DISC1: variants seen among roughly 807,000 people sequenced by gnomAD.
DISC1 encodes the protein disrupted in schizophrenia 1 protein.
DISC1 carries 57 observed loss-of-function variants against 84.5 expected under a neutral mutation model. That is an observed-to-expected ratio of 0.67 (90% CI 0.55 to 0.84). DISC1 has a LOEUF of 0.84. Ranked by LOEUF, DISC1 falls within the 40% of genes least tolerant of loss-of-function variation. The pLI, the probability that DISC1 is intolerant of heterozygous loss-of-function variation, is 0.00. For synonymous variants in DISC1, 411 were observed against 415.2 expected (o/e 0.99, Z 0.12); for missense variants, 1,000 against 1,057.8 (o/e 0.95, Z 0.76).
rs1197965460 is a variant in DISC1 at position 231,897,292 on chromosome 1, T to C, written c.1982-61536T>C. On this transcript the variant is annotated intron_variant, in intron 9 of 12. Transcript: ENST00000439617. This position sits in a 1 kb window ranked among gnomAD's most constrained non-coding sequence, Gnocchi z 4.5. ...AGAATAAGAAGAGGTCTTGAATTAA[T>C]AGTCAAACCTGATATAGCTTCTTTG... 6.6e-6 allele frequency among the ~76,000 whole-genome samples: 1 copy of C among 152,234 alleles called. No individual in the cohort carries two copies. Among genetic ancestry groups the C allele is most frequent in the East Asian group, 1.9e-4 (1 of 5,200 alleles).
At chr1:231,759,516 C>T (rs1414561372) in intron 4 of DISC1, among the ~76,000 whole-genome samples, 1 of 128,406 alleles carries the variant, frequency 7.8e-6, no homozygotes, top group Non-Finnish European at 1.6e-5. Flanking sequence ...TAGTGAGACC[C>T]CCATCTCTAC....
At position 231,813,651 on chromosome 1, in the gene DISC1, T is replaced by C. The variant is rs936994855; in HGVS notation, c.1793-4678T>C. ...ACTTTGTGGGTTTTTCCTAAATGGG[T>C]CCAACCCATCAGCTTGGCATTTGGG... is the stretch of plus-strand genomic sequence containing the variant. On this transcript the variant is annotated intron_variant, in intron 8 of 12. Coordinates refer to ENST00000439617, the MANE Select transcript of DISC1 (RefSeq NM_018662.3). Among the ~76,000 whole-genome samples the C allele has an allele frequency of 2.6e-5, 4 of 152,164 alleles. No homozygotes were observed. The East Asian group carries it at 5.8e-4, about 22-fold the overall frequency.
At chr1:231,736,047 C>T (rs1173789560) in intron 3 of DISC1, among the ~76,000 whole-genome samples, 1 of 152,162 alleles carries the variant, frequency 6.6e-6, no homozygotes, top group Non-Finnish European at 1.5e-5. Flanking sequence ...TTTCTGAGCT[C>T]AAGTGATGCT....
rs1031120994 is a variant in DISC1 at position 231,694,056 on chromosome 1, T to G, written c.298T>G (p.Ser100Ala). 2 of 1,614,058 alleles carry G rather than the reference T, an allele frequency of 1.2e-6. No individual in the cohort carries two copies. Among genetic ancestry groups the G allele is most frequent in the African/African-American group, 2.7e-5 (2 of 74,938 alleles). Residue 100 changes from serine (S) to alanine (A), a missense_variant, in exon 2 of 13, where the codon TCC becomes GCC. Ser to Ala is a moderately conservative substitution (Grantham distance 99). This residue lies in a region of DISC1 where 292 missense variants were observed against 280.2 expected (regional missense o/e 1.04). Transcript: ENST00000439617. ...SRGLLVRSPV[S>A]KSAAAPTVTS... ...AGGCCTCTTGGTCCGGAGCCCTGTT[T>G]CCAAGAGTGCAGCAGCCCCTACTGT... is the stretch of plus-strand genomic sequence containing the variant.
At chr1:231,701,762 T>C (rs541616107) in intron 2 of DISC1, among the ~76,000 whole-genome samples, 193 bp from the exon 3 acceptor site, 1 of 152,200 alleles carries the variant, frequency 6.6e-6, no homozygotes, top group East Asian at 1.9e-4. Context: ...AATTACACTT[T>C]TTCTTTACAT....
At chr1:231,950,343 A>G (rs183684053) in intron 9 of DISC1, among the ~76,000 whole-genome samples, 106 of 152,222 alleles carry the variant, frequency 7.0e-4, no homozygotes, top group Non-Finnish European at 1.3e-3. Context: ...GTAAATAGGC[A>G]TTCTAAGCAA....
At chr1:231,670,318 G>A (rs1171567719) in intron 1 of DISC1, among the ~76,000 whole-genome samples, 1 of 152,090 alleles carries the variant, frequency 6.6e-6, no homozygotes, top group African/African-American at 2.4e-5. Context: ...CATGACACAA[G>A]TTTACCTACA....
intron 9 of DISC1, among the ~76,000 whole-genome samples, chr1:231,876,523 T>G (rs2085901837): frequency 6.6e-6 from 1 of 152,216 alleles, no homozygotes; most frequent in South Asian, 2.1e-4. Flanking sequence ...TTTTAACATC[T>G]TAAGTTCATA....
chr1:231,891,522 A>G (rs1457177160), intron 9 of DISC1, among the ~76,000 whole-genome samples: 1 of 152,174 alleles, frequency 6.6e-6, no homozygotes, highest in Admixed American at 6.5e-5. Context: ...TTTCTGCAGG[A>G]AGGAATGCTG....
intron 5 of DISC1, among the ~76,000 whole-genome samples, chr1:231,767,929 A>G (rs1350729933): frequency 1.3e-5 from 2 of 152,212 alleles, no homozygotes; most frequent in African/African-American, 2.4e-5. Context: ...AATTCCTATC[A>G]TGGTAGACTG....
chr1:231,847,906 G>A (rs994891370), intron 9 of DISC1, among the ~76,000 whole-genome samples: 3 of 152,194 alleles, frequency 2.0e-5, no homozygotes, highest in African/African-American at 7.2e-5. Flanking sequence ...AGCAGATAGT[G>A]TCACTCAAAT....
chr1:231,983,544 T>TG (rs1663929620), intron 10 of DISC1, among the ~76,000 whole-genome samples: 12 of 4,342 alleles, frequency 2.8e-3, no homozygotes, highest in African/African-American at 5.6e-3. Flanking sequence ...GGGGTGGGGG[T>TG]GGGGGTGGGG....
chr1:231,751,637 C>T (rs1277578425), intron 4 of DISC1, among the ~76,000 whole-genome samples: 1 of 152,204 alleles, frequency 6.6e-6, no homozygotes, highest in Non-Finnish European at 1.5e-5. Context: ...ATCCCTTCCC[C>T]TCTTCCAGTC....
At chr1:231,717,627 T>C (rs2068940323) in intron 3 of DISC1, among the ~76,000 whole-genome samples, 1 of 151,980 alleles carries the variant, frequency 6.6e-6, no homozygotes, top group Non-Finnish European at 1.5e-5. Flanking sequence ...AGTTGGAAAA[T>C]AAGCAGCAGT....
chr1:231,918,984 GTA>G (rs2089824762), intron 9 of DISC1, among the ~76,000 whole-genome samples: 1 of 152,160 alleles, frequency 6.6e-6, no homozygotes, highest in African/African-American at 2.4e-5. Flanking sequence ...AAGTTTCCAA[GTA>G]TAACCTTCCA....
chr1:231,649,918 G>A (rs1264732238), intron 1 of DISC1, among the ~76,000 whole-genome samples: 1 of 152,116 alleles, frequency 6.6e-6, no homozygotes, highest in Non-Finnish European at 1.5e-5. Context: ...TTGCTTGGTA[G>A]ATCTTCCTCC....
intron 4 of DISC1, among the ~76,000 whole-genome samples, chr1:231,761,010 AACATTTTTCCTGTG>A (rs2075611628): frequency 1.3e-5 from 2 of 152,240 alleles, no homozygotes; most frequent in Admixed American, 6.5e-5. Flanking sequence ...ATGGAATGAA[AACATTTTTCCTGTG>A]CAATTTGGAG....
chr1:231,714,166 T>A (rs1036645702), intron 3 of DISC1, among the ~76,000 whole-genome samples: 2 of 152,024 alleles, frequency 1.3e-5, no homozygotes, highest in African/African-American at 4.8e-5. Flanking sequence ...AATAAAATAC[T>A]TGGAAATAAA....
chr1:231,680,483 C>T (rs200426457), intron 1 of DISC1, among the ~76,000 whole-genome samples: 8 of 152,086 alleles, frequency 5.3e-5, no homozygotes, highest in Non-Finnish European at 8.8e-5. Flanking sequence ...ACATAGGAGT[C>T]GTGTTATGCT....
Sources: allele counts gnomAD v4.1 joint callset (sites outside exome capture counted in the v4.1 genomes callset), GRCh38; gene constraint gnomAD v4.1.1; regional missense constraint gnomAD v4.1.1; non-coding constraint Gnocchi (gnomAD v3.1); transcripts MANE v1.5; gene names NCBI Gene and HGNC (gene_info 2026-07-23, HGNC 2026-07-21).